The following OPRL1 variants were observed in gnomAD, a reference collection of about 807,000 sequenced individuals.
The protein encoded by OPRL1 is nociceptin receptor.
In OPRL1, 5 loss-of-function variants were observed where a neutral mutation model predicts 15.5. That is an observed-to-expected ratio of 0.32 (90% confidence interval 0.17 to 0.68). OPRL1 has a LOEUF of 0.68. Among genes scored for constraint, OPRL1 ranks in the 30% least tolerant of loss-of-function variants. The pLI is 0.72. For missense variants in OPRL1, 406 were observed against 515.3 expected, an observed-to-expected ratio of 0.79 and a Z score of 2.05; for synonymous variants, 223 against 230.2, an observed-to-expected ratio of 0.97 and a Z score of 0.28.
In OPRL1 at chr20:64,082,256, C is replaced by T. The variant is rs372168126; in HGVS notation, c.-185+1904C>T. 4.6e-5 allele frequency among the ~76,000 whole-genome samples: 7 copies of T among 152,156 alleles called. No homozygotes were observed. The South Asian group carries it at 1.2e-3, about 27-fold the overall frequency. ...GCCCCTTCTCCCTGGCCTCCTTCCT[C>T]TCTACCCTTCCCTTCCTGAAACCCC... On this transcript the variant is annotated intron_variant, in intron 1 of 4. Coordinates refer to ENST00000336866, the MANE Select transcript of OPRL1 (RefSeq NM_182647.4).
chr20:64,096,075 C>T (rs1180856082), intron 3 of OPRL1, among the ~76,000 whole-genome samples: 3 of 152,132 alleles, frequency 2.0e-5, no homozygotes, highest in Admixed American at 1.3e-4. Context: ...TTGTGGCTGG[C>T]GGGCGTGTCA....
intron 1 of OPRL1, chr20:64,084,358 A>C: frequency 7.8e-7 from 1 of 1,281,448 alleles, no homozygotes; most frequent in South Asian, 2.5e-5. Flanking sequence ...TGAGTTCCGC[A>C]CCCCCAGCCT....
At position 64,097,273 on chromosome 20, in the gene OPRL1, C is replaced by T. The variant is rs951165523; in HGVS notation, c.234-529C>T. Among the ~76,000 whole-genome samples the T allele has an allele frequency of 3.3e-5, 5 of 152,304 alleles. No individual in the cohort carries two copies. The East Asian group carries it at 5.8e-4, about 18-fold the overall frequency. On this transcript the variant is annotated intron_variant, in intron 3 of 4. Coordinates refer to ENST00000336866, the MANE Select transcript of OPRL1 (RefSeq NM_182647.4). The surrounding 1 kb of genome is among the most constrained non-coding windows in gnomAD (Gnocchi z 4.2). ...TACCTTATTAGCATCCCTCCTGTCC[C>T]CCCGTCACCATTTTCGGTCTCCATT... is the stretch of plus-strand genomic sequence containing the variant.
chr20:64,098,177 CT>C lies in OPRL1; in HGVS notation c.589+21del, dbSNP rs758694546. Reference sequence around the variant, plus strand: ...ATGAAGGTCAGTGGGGTGTCCCCTCCTCCCCTCACCAGGCTCCCTGGCTCCC... The same window carrying C: ...ATGAAGGTCAGTGGGGTGTCCCCTCCCCCCTCACCAGGCTCCCTGGCTCCC... On this transcript the variant is annotated intron_variant, in intron 4 of 4. Transcript: ENST00000336866. The C allele has an allele frequency of 7.4e-5, 119 of 1,608,208 alleles. No homozygotes were observed. The highest frequency in any genetic ancestry group is 9.3e-5 in the Non-Finnish European group (109 of 1,176,256).
At chr20:64,088,399 G>A (rs2060073892) in intron 1 of OPRL1, among the ~76,000 whole-genome samples, 1 of 152,132 alleles carries the variant, frequency 6.6e-6, no homozygotes, top group Non-Finnish European at 1.5e-5. Context: ...CAGGATCTGT[G>A]CAGTGGGTAG....
intron 3 of OPRL1, among the ~76,000 whole-genome samples, chr20:64,093,351 G>A (rs553088087): frequency 9.4e-5 from 14 of 148,756 alleles, no homozygotes; most frequent in African/African-American, 3.2e-4. Flanking sequence ...AGCTCGGACC[G>A]TTCTGAAACC....
intron 1 of OPRL1, among the ~76,000 whole-genome samples, chr20:64,081,646 C>T (rs2145560957): frequency 1.3e-5 from 2 of 152,298 alleles, no homozygotes; most frequent in Admixed American, 1.3e-4. Context: ...GGATTTGAAC[C>T]CAGGACCCTC....
At chr20:64,092,657 T>C in intron 2 of OPRL1, 31 bp from the exon 3 acceptor site, 3 of 1,530,282 alleles carry the variant, frequency 2.0e-6, no homozygotes, top group Non-Finnish European at 2.7e-6. Flanking sequence ...TGTCTGGCAC[T>C]GCAGCCACTT....
chr20:64,097,695 C>A lies in OPRL1; in HGVS notation c.234-107C>A. The A allele has an allele frequency of 1.0e-6, 1 of 964,438 alleles. No individual in the cohort carries two copies. The highest frequency in any genetic ancestry group is 1.6e-6 in the Non-Finnish European group (1 of 625,582). 59.7% of individuals were successfully genotyped at this position (964,438 alleles called of 1,614,324 possible). On this transcript the variant is annotated intron_variant, in intron 3 of 4. Coordinates refer to ENST00000336866, the MANE Select transcript of OPRL1 (RefSeq NM_182647.4). The surrounding 1 kb of genome is among the most constrained non-coding windows in gnomAD (Gnocchi z 4.2). Reference sequence around the variant, plus strand: ...CCATGGGAACTCTGATGTTAAGGGACTCAGGGCCACTGTAGCTTGTGGTGG... The same window carrying A: ...CCATGGGAACTCTGATGTTAAGGGAATCAGGGCCACTGTAGCTTGTGGTGG...
intron 1 of OPRL1, among the ~76,000 whole-genome samples, chr20:64,085,704 G>A (rs989366187): frequency 1.3e-5 from 2 of 152,244 alleles, no homozygotes; most frequent in Admixed American, 6.5e-5. Flanking sequence ...CAGACCTGCC[G>A]CTGGGACACC....
rs770672013 is a variant in OPRL1 at position 64,098,765 on chromosome 20, G to T, written c.1079G>T (p.Cys360Phe). Residue 360 changes from cysteine to phenylalanine, a missense_variant, in exon 5 of 5, where the codon TGC (cysteine) becomes TTC (phenylalanine). Cys to Phe is a radical substitution (Grantham distance 205). Coordinates refer to ENST00000336866, the MANE Select transcript of OPRL1 (RefSeq NM_182647.4). ...RSIAKDVALACKTSETVPRPA is the reference protein window; with the variant it reads ...RSIAKDVALAFKTSETVPRPA The stretch of plus-strand genomic sequence containing the variant: ...ATTGCCAAGGACGTGGCCCTGGCCT[G>T]CAAGACCTCTGAGACGGTACCGCGG... The T allele has an allele frequency of 1.9e-6, 3 of 1,606,092 alleles. No homozygotes were observed. In the South Asian group the frequency reaches 3.3e-5, roughly 18 times the overall value.
rs2060000062 is a variant in OPRL1, at chr20:64,083,732, C to G, written c.-185+3380C>G. 1 of 1,348,360 alleles carries G rather than the reference C, an allele frequency of 7.4e-7. No homozygotes were observed. Among genetic ancestry groups the G allele is most frequent in the Non-Finnish European group, 9.5e-7 (1 of 1,057,166 alleles). 83.5% of individuals were successfully genotyped at this position (1,348,360 alleles called of 1,614,324 possible). A position where few individuals can be genotyped will look rare whatever the true frequency, so the allele number is the denominator to read the frequency against. On this transcript the variant is annotated intron_variant, in intron 1 of 4. Transcript: ENST00000336866. The surrounding 1 kb of genome is among the most constrained non-coding windows in gnomAD (Gnocchi z 4.9). The stretch of plus-strand genomic sequence containing the variant: ...TGCGGGGCCCGGGTAGCTGAGCGCG[C>G]GCCGAGCCCCGCCCCGCCCCGCCCC...
At position 64,089,720 on chromosome 20, in the gene OPRL1, C is replaced by G. The variant is rs1241483280; in HGVS notation, c.-184-2246C>G. ...TGAGGTGCTTGTGTCCCACACTCTGCCCTGGCCTCTGACACTGGTTCCTGG... is the reference window on the plus strand; with the variant it reads ...TGAGGTGCTTGTGTCCCACACTCTGGCCTGGCCTCTGACACTGGTTCCTGG... On this transcript the variant is annotated intron_variant, in intron 1 of 4. Transcript: ENST00000336866. This position sits in a 1 kb window ranked among gnomAD's most constrained non-coding sequence, Gnocchi z 5.5. Among the ~76,000 whole-genome samples, 1 of 152,200 alleles carries G rather than the reference C, an allele frequency of 6.6e-6. No individual in the cohort carries two copies. Among genetic ancestry groups the G allele is most frequent in the Non-Finnish European group, 1.5e-5 (1 of 68,038 alleles).
At chr20:64,084,404 G>T (rs1348000615) in intron 1 of OPRL1, 7 of 1,269,750 alleles carry the variant, frequency 5.5e-6, no homozygotes, top group Non-Finnish European at 6.9e-6. Context: ...TCTCCCAAGC[G>T]CACGTCCCCA....
intron 1 of OPRL1, among the ~76,000 whole-genome samples, chr20:64,082,262 C>G (rs2059975361): frequency 6.6e-6 from 1 of 152,184 alleles, no homozygotes; most frequent in African/African-American, 2.4e-5. Flanking sequence ...TCCTCTCTAC[C>G]CTTCCCTTCC....
rs770848124 is a variant in OPRL1 at position 64,083,606 on chromosome 20, G to A, written c.-185+3254G>A. The stretch of plus-strand genomic sequence containing the variant: ...ACCTCTTGGCGGTCCAGGGGGTCCG[G>A]GATCCGCGCGGGCTTCAGCTGCGGC... On this transcript the variant is annotated intron_variant, in intron 1 of 4. Transcript: ENST00000336866. The surrounding 1 kb of genome is among the most constrained non-coding windows in gnomAD (Gnocchi z 4.9). 1 of 1,481,350 alleles carries A rather than the reference G, an allele frequency of 6.8e-7. No individual in the cohort carries two copies. The highest frequency in any genetic ancestry group is 1.3e-5 in the South Asian group (1 of 77,024). The allele number at this position is 1,481,350 out of a possible 1,614,324, so 91.8% of individuals were successfully genotyped here.
Position 64,098,926 on chromosome 20 carries a change from T to C in OPRL1, c.*127T>C, listed in dbSNP as rs1979533181. The C allele has an allele frequency of 2.3e-6, 3 of 1,315,904 alleles. No individual in the cohort carries two copies. The highest frequency in any genetic ancestry group is 3.0e-6 in the Non-Finnish European group (3 of 988,218). The allele number at this position is 1,315,904 out of a possible 1,614,324, so 81.5% of individuals were successfully genotyped here. A position where few individuals can be genotyped will look rare whatever the true frequency, so the allele number is the denominator to read the frequency against. On this transcript the variant is annotated 3_prime_UTR_variant, in exon 5 of 5. Transcript: ENST00000336866. ...GGCCCTGAGCATCCAGAGCCTGGGA[T>C]GGGCTTTTCCCTGTGGGCCAGGGAT...
In OPRL1 at chr20:64,098,597, G is replaced by C; in HGVS notation, c.911G>C (p.Cys304Ser). ...SETAVAILRF[C>S]TALGYVNSCL... The stretch of plus-strand genomic sequence containing the variant: ...ACTGCCGTGGCCATTCTGCGCTTCT[G>C]CACGGCCCTGGGCTACGTCAACAGC... Residue 304 changes from cysteine (C) to serine (S), a missense_variant, in exon 5 of 5, where the codon TGC (cysteine) becomes TCC (serine). Physicochemically the swap from Cys to Ser is moderately radical, Grantham distance 112. Coordinates refer to ENST00000336866, the MANE Select transcript of OPRL1 (RefSeq NM_182647.4). The C allele has an allele frequency of 6.2e-7, 1 of 1,612,888 alleles. No homozygotes were observed. The highest frequency in any genetic ancestry group is 8.5e-7 in the Non-Finnish European group (1 of 1,179,990).
chr20:64,082,556 C>T lies in OPRL1; in HGVS notation c.-185+2204C>T, dbSNP rs576467833. 9.9e-5 allele frequency among the ~76,000 whole-genome samples: 15 copies of T among 152,264 alleles called. No individual in the cohort carries two copies. The East Asian group carries it at 2.5e-3, about 25-fold the overall frequency. ...AGCTGGAGCCCCCTAGCAGGAGGAG[C>T]GGTTTGTCTGAGTTCCTGCGGTCCC... On this transcript the variant is annotated intron_variant, in intron 1 of 4. Coordinates refer to ENST00000336866, the MANE Select transcript of OPRL1 (RefSeq NM_182647.4).
Sources: gnomAD v4.1 joint callset for allele counts (sites outside exome capture counted in the v4.1 genomes callset) on GRCh38, gnomAD v4.1.1 for gene constraint, Gnocchi (gnomAD v3.1) non-coding constraint, MANE v1.5 for transcripts, NCBI Gene and HGNC (gene_info 2026-07-23, HGNC 2026-07-21) for gene names.